Variants in NRXN3 observed in about 807,000 individuals in gnomAD.
NRXN3 encodes the protein neurexin III.
Under a neutral mutation model 137.6 loss-of-function variants are expected in NRXN3, and 32 were observed. The observed-to-expected ratio is 0.23, with a 90% CI of 0.18 to 0.31. The LOEUF is 0.31. NRXN3 is among the 10% of genes least tolerant of loss of function. The probability of loss-of-function intolerance (pLI) is 1.00; values close to 1 mark genes in which losing one functional copy is unlikely to be tolerated. For synonymous variants in NRXN3, 798 were observed against 784.5 expected (o/e 1.02, Z -0.29); for missense variants, 1,574 against 2,062.5 (o/e 0.76, Z 4.59).
chr14:79,692,482 G>A (rs2098720220), intron 18 of NRXN3, among the ~76,000 whole-genome samples: 1 of 152,170 alleles, frequency 6.6e-6, no homozygotes, highest in Non-Finnish European at 1.5e-5. Flanking sequence ...CTTCTAGCCT[G>A]CTATCAGCAT....
At chr14:79,633,875 G>C (rs151108801) in intron 16 of NRXN3, among the ~76,000 whole-genome samples, 1 of 151,868 alleles carries the variant, frequency 6.6e-6, no homozygotes, top group Non-Finnish European at 1.5e-5. Context: ...CTTGAGTTTT[G>C]GCTACCAAAA....
intron 15 of NRXN3, chr14:79,280,049 G>A (rs2153440657): frequency 1.5e-6 from 2 of 1,332,180 alleles, no homozygotes; most frequent in Non-Finnish European, 1.9e-6. Flanking sequence ...GAGGACCCTG[G>A]CATTCTAAAT....
intron 15 of NRXN3, among the ~76,000 whole-genome samples, chr14:79,228,079 T>C (rs2071404817): frequency 6.6e-6 from 1 of 152,172 alleles, no homozygotes; most frequent in African/African-American, 2.4e-5. Context: ...CAGATACCTT[T>C]GCCTGCCCTG....
intron 15 of NRXN3, among the ~76,000 whole-genome samples, chr14:79,162,164 T>C (rs1023377767): frequency 6.6e-6 from 1 of 151,562 alleles, no homozygotes; most frequent in Non-Finnish European, 1.5e-5. Flanking sequence ...TATTATACTT[T>C]AAGTTTTAGG....
intron 2 of NRXN3, among the ~76,000 whole-genome samples, chr14:78,246,551 G>A (rs934305079): frequency 6.6e-6 from 1 of 152,162 alleles, no homozygotes; most frequent in African/African-American, 2.4e-5. Flanking sequence ...AAAGGTTGAG[G>A]TGAGAGAGGA....
intron 16 of NRXN3, among the ~76,000 whole-genome samples, chr14:79,472,947 G>A (rs184401978): frequency 1.7e-4 from 26 of 152,280 alleles, no homozygotes; most frequent in Admixed American, 1.6e-3. Flanking sequence ...AATGCTGAGT[G>A]TAAAAAAGAC....
intron 16 of NRXN3, among the ~76,000 whole-genome samples, chr14:79,596,567 A>AT (rs548659456): frequency 0.011 from 1,496 of 141,982 alleles, 22 homozygotes; most frequent in Admixed American, 0.016. Flanking sequence ...CTTCTGGCCA[A>AT]TTTTTGGACA....
chr14:78,968,512 G>C (rs1179663235), intron 14 of NRXN3, among the ~76,000 whole-genome samples, 166 bp downstream of exon 14: 1 of 152,132 alleles, frequency 6.6e-6, no homozygotes, highest in Non-Finnish European at 1.5e-5. Flanking sequence ...GGTTTAGTAT[G>C]TCAAGACATG....
At chr14:79,684,841 G>A (rs991084675) in intron 17 of NRXN3, among the ~76,000 whole-genome samples, 8 of 152,110 alleles carry the variant, frequency 5.3e-5, no homozygotes, top group Non-Finnish European at 1.2e-4. Context: ...GAGGAAGAGG[G>A]TAGATAGAAA....
rs144988143 is a variant in NRXN3, at chr14:79,592,024, A to G, written c.3445-71754A>G. On this transcript the variant is annotated intron_variant, in intron 16 of 20. Coordinates refer to ENST00000335750, the MANE Select transcript of NRXN3 (RefSeq NM_001330195.2). ...TTGTGGACTCCATCCACATCCCTAT[A>G]ACAAAGCAGGGAACTTTTTCACCTT... Among the ~76,000 whole-genome samples the G allele has an allele frequency of 6.7e-3, 1,014 of 152,288 alleles. 14 individuals carry two copies. Among genetic ancestry groups the G allele is most frequent in the Middle Eastern group, 0.044 (13 of 294 alleles).
chr14:78,274,211 T>C (rs2073232483), intron 2 of NRXN3, among the ~76,000 whole-genome samples: 1 of 152,228 alleles, frequency 6.6e-6, no homozygotes, highest in Non-Finnish European at 1.5e-5. Context: ...TCTGTTCTCA[T>C]GCTTCTGTGA....
rs2051361566 is a variant in NRXN3, at chr14:79,101,838, G to T, written c.3262+113697G>T. On this transcript the variant is annotated intron_variant, in intron 15 of 20. Transcript: ENST00000335750. ...ATTCATAAGATGGAGAGTATTGTGG[G>T]TCCTCAATCCAATATGACTGGTGTT... 2.6e-5 allele frequency among the ~76,000 whole-genome samples: 4 copies of T among 152,100 alleles called. No individual in the cohort carries two copies. In the South Asian group the frequency reaches 8.3e-4, roughly 32 times the overall value.
chr14:78,320,650 G>A (rs2079217685), intron 4 of NRXN3, among the ~76,000 whole-genome samples: 1 of 152,188 alleles, frequency 6.6e-6, no homozygotes, highest in Non-Finnish European at 1.5e-5. Context: ...AGAAGCAAGG[G>A]AGGAGTGCCT....
At chr14:78,780,245 TC>T (rs1433451376) in intron 8 of NRXN3, among the ~76,000 whole-genome samples, 1 of 152,178 alleles carries the variant, frequency 6.6e-6, no homozygotes, top group Non-Finnish European at 1.5e-5. Context: ...TGGAATAATT[TC>T]TTATCTATAT....
chr14:79,470,039 G>A (rs1221447492), intron 16 of NRXN3, among the ~76,000 whole-genome samples: 4 of 152,134 alleles, frequency 2.6e-5, no homozygotes, highest in African/African-American at 9.7e-5. Flanking sequence ...TGTAAAAGGT[G>A]GTTCTGTTTG....
intron 1 of NRXN3, among the ~76,000 whole-genome samples, chr14:78,227,003 A>G (rs2064759026): frequency 6.6e-6 from 1 of 152,198 alleles, no homozygotes. Context: ...GTTTTATATC[A>G]TATGCCTGTT....
intron 15 of NRXN3, among the ~76,000 whole-genome samples, chr14:79,160,602 A>G (rs922218673): frequency 1.3e-5 from 2 of 151,952 alleles, no homozygotes; most frequent in African/African-American, 4.8e-5. Context: ...TAGGTGCTGT[A>G]TAAAATCACT....
Position 78,196,492 on chromosome 14 carries a change from G to A in NRXN3, c.-704+25818G>A, listed in dbSNP as rs550978226. On this transcript the variant is annotated intron_variant, in intron 1 of 20. Transcript: ENST00000335750. ...TTGTGCTGGGTAGAAAAGACCAGCT[G>A]CGGTCTCTGCGCCCTAAAGGATCTC... 2.6e-5 allele frequency among the ~76,000 whole-genome samples: 4 copies of A among 152,330 alleles called. No homozygotes were observed. In the East Asian group the frequency reaches 7.7e-4, roughly 29 times the overall value.
intron 2 of NRXN3, among the ~76,000 whole-genome samples, chr14:78,268,375 C>A (rs1015958778): frequency 2.0e-5 from 3 of 152,112 alleles, no homozygotes; most frequent in African/African-American, 7.2e-5. Flanking sequence ...GCTACCCCAG[C>A]TTTTAATCCT....
Sources: gnomAD v4.1 joint callset for allele counts (sites outside exome capture counted in the v4.1 genomes callset) on GRCh38, gnomAD v4.1.1 for gene constraint, MANE v1.5 for transcripts, NCBI Gene and HGNC (gene_info 2026-07-23, HGNC 2026-07-21) for gene names.